The following IGSF3 variants were observed in gnomAD, a reference collection of about 807,000 sequenced individuals.
The protein encoded by IGSF3 is glu-Trp-Ile EWI motif-containing protein 3.
IGSF3 carries 23 observed loss-of-function variants against 114.4 expected under a neutral mutation model. That is an observed-to-expected ratio of 0.20 (90% CI 0.14 to 0.28). The LOEUF is 0.28. Among genes scored for constraint, IGSF3 ranks in the 10% least tolerant of loss-of-function variants. The pLI is 1.00. For missense variants in IGSF3, 1,172 were observed against 1,591.5 expected (o/e 0.74, Z 4.48); for synonymous variants, 571 against 645.2 (o/e 0.88, Z 1.74).
chr1:116,660,181 G>T (rs1649052081), intron 2 of IGSF3, among the ~76,000 whole-genome samples: 1 of 152,168 alleles, frequency 6.6e-6, no homozygotes, highest in Admixed American at 6.5e-5. Flanking sequence ...ATCTGTAAAA[G>T]GCCTGCTGAG....
At position 116,651,955 on chromosome 1, in the gene IGSF3, C is replaced by A. The variant is rs1648649498; in HGVS notation, c.43+14329G>T. 6.6e-6 allele frequency among the ~76,000 whole-genome samples: 1 copy of A among 152,188 alleles called. No individual in the cohort carries two copies. Among genetic ancestry groups the A allele is most frequent in the Non-Finnish European group, 1.5e-5 (1 of 68,040 alleles). ...TCCTCCATTTCACACACTGGCCAAGCATATAGCAGAACACATCATATATTT... is the reference window on the plus strand; with the variant it reads ...TCCTCCATTTCACACACTGGCCAAGAATATAGCAGAACACATCATATATTT... On this transcript the variant is annotated intron_variant, in intron 2 of 10. Transcript: ENST00000369486. This position sits in a 1 kb window ranked among gnomAD's most constrained non-coding sequence, Gnocchi z 4.4.
At position 116,660,476 on chromosome 1, in the gene IGSF3, T is replaced by C. The variant is rs536165927; in HGVS notation, c.43+5808A>G. On this transcript the variant is annotated intron_variant, in intron 2 of 10. Coordinates refer to ENST00000369486, the MANE Select transcript of IGSF3 (RefSeq NM_001007237.3). ...CCACCACACCTGGCCTATGTATGCT[T>C]TTCTTTTTTTTTTTTTTTTTTTTTT... is the stretch of plus-strand genomic sequence containing the variant. Among the ~76,000 whole-genome samples the C allele has an allele frequency of 1.9e-3, 276 of 144,376 alleles. 2 individuals carry two copies. The highest frequency in any genetic ancestry group is 7.1e-3 in the African/African-American group (260 of 36,848). 94.7% of individuals were successfully genotyped at this position (144,376 alleles called of 152,430 possible). A position where few individuals can be genotyped will look rare whatever the true frequency, so the allele number is the denominator to read the frequency against.
Position 116,666,405 on chromosome 1 carries a change from T to G in IGSF3, c.-79A>C. ...TAATCTCTCATTTCTGGCAATCCACTTATAGCTCCAGAGAACAGTTTTGGA... is the reference window on the plus strand; with the variant it reads ...TAATCTCTCATTTCTGGCAATCCACGTATAGCTCCAGAGAACAGTTTTGGA... On this transcript the variant is annotated 5_prime_UTR_variant, in exon 2 of 11. Transcript: ENST00000369486. 1.5e-6 allele frequency: 2 copies of G among 1,302,438 alleles called. No individual in the cohort carries two copies. Among genetic ancestry groups the G allele is most frequent in the South Asian group, 1.2e-5 (1 of 84,752 alleles). The allele number at this position is 1,302,438 out of a possible 1,614,324, so 80.7% of individuals were successfully genotyped here. A position where few individuals can be genotyped will look rare whatever the true frequency, so the allele number is the denominator to read the frequency against.
Position 116,579,729 on chromosome 1 carries a change from C to T in IGSF3, c.2997G>A (p.Gly999=). 1 of 1,597,402 alleles carries T rather than the reference C, an allele frequency of 6.3e-7. No homozygotes were observed. Among genetic ancestry groups the T allele is most frequent in the Non-Finnish European group, 8.5e-7 (1 of 1,169,782 alleles). ...AWYSLRTKAG[G]KRSSPGLEEQ... is the part of the protein sequence containing the mutation. ...CTTCCAGGCCAGGGCTGCTCCTTTTCCCCCCAGCTTTAGTCCTCAGGGAAT... is the reference window on the plus strand; with the variant it reads ...CTTCCAGGCCAGGGCTGCTCCTTTTTCCCCCAGCTTTAGTCCTCAGGGAAT... Residue 999 remains glycine (G), a synonymous_variant, in exon 10 of 11, where the codon GGG becomes GGA. Transcript: ENST00000369486. The surrounding 1 kb of genome is among the most constrained non-coding windows in gnomAD (Gnocchi z 6.4).
rs1356702746 is a variant in IGSF3 at position 116,603,866 on chromosome 1, A to G, written c.1382T>C (p.Met461Thr). ...CACGGTGCCATCCCGGTCTAGCCAC[A>G]TGATATTGCTGCGGCGGTTCTGCCT... ...VDRQNRRSNI[M>T]WLDRDGTVQP... The change falls in exon 6 of 11, where the codon ATG becomes ACG. Residue 461 changes from methionine (M) to threonine (T), a missense_variant. By Grantham distance (81) the Met-to-Thr change is moderately conservative. This residue lies in a region of IGSF3 where 736 missense variants were observed against 1,042.0 expected (regional missense o/e 0.71). Transcript: ENST00000369486. The surrounding 1 kb of genome is among the most constrained non-coding windows in gnomAD (Gnocchi z 7.1). The G allele has an allele frequency of 6.2e-7, 1 of 1,613,908 alleles. No homozygotes were observed. Among genetic ancestry groups the G allele is most frequent in the East Asian group, 2.2e-5 (1 of 44,866 alleles).
rs138452942 is a variant in IGSF3 at position 116,614,301 on chromosome 1, G to A, written c.422-126C>T. 6.6e-3 allele frequency: 4,726 copies of A among 721,032 alleles called. 165 individuals carry two copies. The African/African-American group carries it at 0.075, about 11-fold the overall frequency. 44.7% of individuals were successfully genotyped at this position (721,032 alleles called of 1,614,324 possible). A position where few individuals can be genotyped will look rare whatever the true frequency, so the allele number is the denominator to read the frequency against. On this transcript the variant is annotated intron_variant, in intron 3 of 10. Coordinates refer to ENST00000369486, the MANE Select transcript of IGSF3 (RefSeq NM_001007237.3). The surrounding 1 kb of genome is among the most constrained non-coding windows in gnomAD (Gnocchi z 4.5). ...CCCTAACAGTCATCCTTGAACCATC[G>A]ATTCAAGGCCACAGACAGCCCCAAA... is the stretch of plus-strand genomic sequence containing the variant.
In IGSF3 at chr1:116,629,595, G is replaced by C. The variant is rs1647465145; in HGVS notation, c.44-13138C>G. ...AAGGAGCCTGAAGTGGGGGAGGGGG[G>C]CTGATGTGAAATAGGGAATGGGTGG... is the stretch of plus-strand genomic sequence containing the variant. On this transcript the variant is annotated intron_variant, in intron 2 of 10. Transcript: ENST00000369486. This position sits in a 1 kb window ranked among gnomAD's most constrained non-coding sequence, Gnocchi z 4.3. Among the ~76,000 whole-genome samples the C allele has an allele frequency of 6.6e-6, 1 of 152,164 alleles. No individual in the cohort carries two copies. Among genetic ancestry groups the C allele is most frequent in the East Asian group, 1.9e-4 (1 of 5,190 alleles).
In IGSF3 at chr1:116,600,148, C is replaced by T. The variant is rs766450972; in HGVS notation, c.1822G>A (p.Asp608Asn). ...FTRDGGVQWG[D>N]RSSSFRTRTA... ...CGGGTTCGGAAGCTGGAGGACCTGT[C>T]CCCCCACTGGACCCCTCCGTCCCGG... The change falls in exon 7 of 11, where the codon GAC becomes AAC. Residue 608 changes from aspartate (D) to asparagine (N), a missense_variant. Asp to Asn is a conservative substitution (Grantham distance 23). This residue lies in a region of IGSF3 where 736 missense variants were observed against 1,042.0 expected (regional missense o/e 0.71). Transcript: ENST00000369486. This position sits in a 1 kb window ranked among gnomAD's most constrained non-coding sequence, Gnocchi z 5.5. 3.7e-6 allele frequency: 6 copies of T among 1,613,878 alleles called. No individual in the cohort carries two copies. The East Asian group carries it at 6.7e-5, about 18-fold the overall frequency.
Position 116,662,025 on chromosome 1 carries a change from C to T in IGSF3, c.43+4259G>A, listed in dbSNP as rs546092478. Among the ~76,000 whole-genome samples, 4 of 152,040 alleles carry T rather than the reference C, an allele frequency of 2.6e-5. No homozygotes were observed. Among genetic ancestry groups the T allele is most frequent in the African/African-American group, 9.6e-5 (4 of 41,466 alleles). ...AGAGCATGCACATGGAGCAAGACAGCAGGAGCTTGGAGCCCTAACACTGTC... is the reference window on the plus strand; with the variant it reads ...AGAGCATGCACATGGAGCAAGACAGTAGGAGCTTGGAGCCCTAACACTGTC... On this transcript the variant is annotated intron_variant, in intron 2 of 10. Transcript: ENST00000369486. This position sits in a 1 kb window ranked among gnomAD's most constrained non-coding sequence, Gnocchi z 4.3.
intron 2 of IGSF3, chr1:116,646,765 A>G (rs1005592766): frequency 2.0e-5 from 3 of 152,254 alleles, no homozygotes; most frequent in African/African-American, 7.2e-5. Context: ...GCTGAAGAGC[A>G]CGTCCTTGCC....
rs1649282194 is a variant in IGSF3 at position 116,665,262 on chromosome 1, G to T, written c.43+1022C>A. On this transcript the variant is annotated intron_variant, in intron 2 of 10. Coordinates refer to ENST00000369486, the MANE Select transcript of IGSF3 (RefSeq NM_001007237.3). This position sits in a 1 kb window ranked among gnomAD's most constrained non-coding sequence, Gnocchi z 4.0. ...ATGGAAGCAATCTCCACTGCCAACA[G>T]ATCACCCTAAGTTCCCTACGTGCAA... 6.6e-6 allele frequency among the ~76,000 whole-genome samples: 1 copy of T among 152,198 alleles called. No individual in the cohort carries two copies. Among genetic ancestry groups the T allele is most frequent in the Non-Finnish European group, 1.5e-5 (1 of 68,046 alleles).
intron 2 of IGSF3, 72 bp downstream of exon 2, chr1:116,666,212 C>G: frequency 2.8e-6 from 4 of 1,410,084 alleles, no homozygotes; most frequent in South Asian, 1.2e-5. Flanking sequence ...GAAAAAGAAC[C>G]ACGAGAAATT....
rs1007360099 is a variant in IGSF3, at chr1:116,634,245, TA to T, written c.44-17789del. ...GACAAGGCAAAATGAGGAGACAGTA[TA>T]AAAAAGACAAGGATAATTTTAAATT... On this transcript the variant is annotated intron_variant, in intron 2 of 10. Coordinates refer to ENST00000369486, the MANE Select transcript of IGSF3 (RefSeq NM_001007237.3). The surrounding 1 kb of genome is among the most constrained non-coding windows in gnomAD (Gnocchi z 4.2). Among the ~76,000 whole-genome samples the T allele has an allele frequency of 2.6e-5, 4 of 152,210 alleles. No homozygotes were observed. Among genetic ancestry groups the T allele is most frequent in the African/African-American group, 9.6e-5 (4 of 41,526 alleles).
At chr1:116,663,477 T>C (rs2101090928) in intron 2 of IGSF3, among the ~76,000 whole-genome samples, 1 of 151,656 alleles carries the variant, frequency 6.6e-6, no homozygotes, top group African/African-American at 2.4e-5. Flanking sequence ...GCTTTGTAAT[T>C]GGAACCAAGG....
At chr1:116,606,265 A>C (rs1321630983) in intron 5 of IGSF3, among the ~76,000 whole-genome samples, 2 of 152,244 alleles carry the variant, frequency 1.3e-5, no homozygotes, top group African/African-American at 4.8e-5. Context: ...ATGCAAGCTC[A>C]ACCACTAACT....
rs951430760 is a variant in IGSF3 at position 116,664,079 on chromosome 1, G to A, written c.43+2205C>T. Among the ~76,000 whole-genome samples, 2 of 152,150 alleles carry A rather than the reference G, an allele frequency of 1.3e-5. No individual in the cohort carries two copies. Among genetic ancestry groups the A allele is most frequent in the East Asian group, 1.9e-4 (1 of 5,184 alleles). On this transcript the variant is annotated intron_variant, in intron 2 of 10. Coordinates refer to ENST00000369486, the MANE Select transcript of IGSF3 (RefSeq NM_001007237.3). This position sits in a 1 kb window ranked among gnomAD's most constrained non-coding sequence, Gnocchi z 4.6. ...CCTCTCCCAGATTAGTAAAGTAGTA[G>A]CCAGGCCTCCTTCCTGCCATACTGA...
At chr1:116,660,479 C>CTTTT (rs71274759) in intron 2 of IGSF3, among the ~76,000 whole-genome samples, 86 of 99,722 alleles carry the variant, frequency 8.6e-4, no homozygotes, top group African/African-American at 1.2e-3. Flanking sequence ...GTATGCTTTT[C>CTTTT]TTTTTTTTTT....
At chr1:116,580,472 A>C (rs775905571) in intron 9 of IGSF3, among the ~76,000 whole-genome samples, 1 of 152,234 alleles carries the variant, frequency 6.6e-6, no homozygotes, top group Non-Finnish European at 1.5e-5. Context: ...GGAGGTAATT[A>C]AAGTTAAATG....
Position 116,649,916 on chromosome 1 carries a change from G to C in IGSF3, c.43+16368C>G, listed in dbSNP as rs1648561071. ...CGCCACATCCACACCTGTCTTCACA[G>C]GTTTGCTCATGCCACCATTCCTTTC... On this transcript the variant is annotated intron_variant, in intron 2 of 10. Transcript: ENST00000369486. This position sits in a 1 kb window ranked among gnomAD's most constrained non-coding sequence, Gnocchi z 4.5. Among the ~76,000 whole-genome samples the C allele has an allele frequency of 6.6e-6, 1 of 152,150 alleles. No homozygotes were observed. The highest frequency in any genetic ancestry group is 2.4e-5 in the African/African-American group (1 of 41,428).
Sources: gnomAD v4.1 joint callset for allele counts (sites outside exome capture counted in the v4.1 genomes callset) on GRCh38, gnomAD v4.1.1 for gene constraint, gnomAD v4.1.1 regional missense constraint, Gnocchi (gnomAD v3.1) non-coding constraint, MANE v1.5 for transcripts, NCBI Gene and HGNC (gene_info 2026-07-23, HGNC 2026-07-21) for gene names.